Variants in UGT1A6 observed in about 807,000 individuals in gnomAD.
UGT1A6 encodes UDP-glucuronosyltransferase 1A6.
A neutral mutation model predicts 44.4 loss-of-function variants in UGT1A6; 32 were observed. The ratio of observed to expected loss-of-function variants is 0.72; its 90% CI spans 0.54 to 0.97. The LOEUF (loss-of-function observed/expected upper bound fraction) is 0.97. Among genes scored for constraint, UGT1A6 ranks in the 50% least tolerant of loss-of-function variants. The probability of loss-of-function intolerance (pLI) is 0.00; values close to 1 mark genes in which losing one functional copy is unlikely to be tolerated. For missense variants in UGT1A6, 685 were observed against 661.9 expected (o/e 1.03, Z -0.38); for synonymous variants, 238 against 248.5 (o/e 0.96, Z 0.40).
intron 1 of UGT1A6, chr2:233,729,134 C>G (rs143371539): frequency 2.7e-5 from 44 of 1,613,172 alleles, no homozygotes; most frequent in Middle Eastern, 1.8e-4. Flanking sequence ...GAGATGGCCA[C>G]AGGACTCCAG....
intron 1 of UGT1A6, chr2:233,713,474 G>T (rs779583012): frequency 1.2e-6 from 2 of 1,614,060 alleles, no homozygotes; most frequent in South Asian, 2.2e-5. Context: ...CGGCGGTGCT[G>T]GCTAAGTACC....
chr2:233,750,218 A>C (rs1694391813), intron 1 of UGT1A6, among the ~76,000 whole-genome samples: 1 of 151,876 alleles, frequency 6.6e-6, no homozygotes, highest in South Asian at 2.1e-4. Context: ...TCTCAGATGG[A>C]GATGAGGAAC....
intron 1 of UGT1A6, among the ~76,000 whole-genome samples, chr2:233,764,478 C>G (rs370150887): frequency 6.6e-6 from 1 of 152,082 alleles, no homozygotes; most frequent in Non-Finnish European, 1.5e-5. Context: ...TATTTAACTT[C>G]GAATGTTTAT....
At chr2:233,701,516 T>C (rs1007365654) in intron 1 of UGT1A6, among the ~76,000 whole-genome samples, 21 of 152,106 alleles carry the variant, frequency 1.4e-4, no homozygotes, top group Non-Finnish European at 2.6e-4. Flanking sequence ...TACAGAACTC[T>C]CCACCCCAAA....
chr2:233,729,742 A>G (rs573582484), intron 1 of UGT1A6: 2 of 1,613,974 alleles, frequency 1.2e-6, no homozygotes, highest in East Asian at 2.2e-5. Context: ...AGACCACATG[A>G]CATTCATGCA....
At chr2:233,764,795 T>C (rs148070412) in intron 1 of UGT1A6, among the ~76,000 whole-genome samples, 7 of 152,082 alleles carry the variant, frequency 4.6e-5, no homozygotes, top group Non-Finnish European at 7.4e-5. Flanking sequence ...CCTCAGGGTG[T>C]TCTTGCTACA....
chr2:233,719,613 T>C, intron 1 of UGT1A6: 6 of 1,614,096 alleles, frequency 3.7e-6, no homozygotes, highest in Non-Finnish European at 5.1e-6. Flanking sequence ...TGTGATGGAC[T>C]ACCCCAGGCC....
rs1692776441 is a variant in UGT1A6 at position 233,744,329 on chromosome 2, T to A, written c.862-22705T>A. ...AGGGAAGAGGGTGGTGGGAGTGAGT[T>A]TAGTCTGACTGGGGCTGAAGACATC... On this transcript the variant is annotated intron_variant, in intron 1 of 4. Transcript: ENST00000305139. 1.3e-5 allele frequency among the ~76,000 whole-genome samples: 2 copies of A among 151,824 alleles called. 1 individual carries two copies. The highest frequency in any genetic ancestry group is 4.9e-5 in the African/African-American group (2 of 41,084).
In UGT1A6 at chr2:233,727,075, A is replaced by C. The variant is rs1559371928; in HGVS notation, c.861+33210A>C. 2.0e-5 allele frequency among the ~76,000 whole-genome samples: 3 copies of C among 152,212 alleles called. No individual in the cohort carries two copies. The South Asian group carries it at 6.2e-4, about 32-fold the overall frequency. On this transcript the variant is annotated intron_variant, in intron 1 of 4. Transcript: ENST00000305139. Reference sequence around the variant, plus strand: ...TGAAGATTAGTTTCTGTGTTCTCTTACAAACATTAAAGAATTCCAGTTTGT... The same window carrying C: ...TGAAGATTAGTTTCTGTGTTCTCTTCCAAACATTAAAGAATTCCAGTTTGT...
intron 1 of UGT1A6, among the ~76,000 whole-genome samples, chr2:233,725,079 CG>C (rs1365887485): frequency 6.9e-6 from 1 of 144,208 alleles, no homozygotes; most frequent in Non-Finnish European, 1.5e-5. Context: ...CGCAGGCACT[CG>C]GCAGGCTGAG....
At chr2:233,756,056 A>G (rs1035647864) in intron 1 of UGT1A6, 1 of 152,220 alleles carries the variant, frequency 6.6e-6, no homozygotes, top group African/African-American at 2.4e-5. Context: ...TCCACTGTAC[A>G]CTTGTGGGAG....
In UGT1A6 at chr2:233,767,158, C is replaced by T; in HGVS notation, c.986C>T (p.Pro329Leu). ...MAIADALGKI[P>L]QTVLWRYTGT... Reference sequence around the variant, plus strand: ...ATTGCTGATGCTTTGGGCAAAATCCCTCAGACAGTAAGAAGATTCTATACC... The same window carrying T: ...ATTGCTGATGCTTTGGGCAAAATCCTTCAGACAGTAAGAAGATTCTATACC... Residue 329 changes from proline to leucine, a missense_variant, in exon 2 of 5, where the codon CCT (proline) becomes CTT (leucine). Transcript: ENST00000305139. The T allele has an allele frequency of 6.2e-7, 1 of 1,614,062 alleles. No individual in the cohort carries two copies. Among genetic ancestry groups the T allele is most frequent in the Non-Finnish European group, 8.5e-7 (1 of 1,179,998 alleles).
At chr2:233,692,123 G>A (rs1308996203), upstream of UGT1A6, 2 of 152,152 alleles carry the variant, frequency 1.3e-5, no homozygotes, top group African/African-American at 4.8e-5. Context: ...AATCAATCAT[G>A]CCTACTATGT....
Position 233,693,309 on chromosome 2 carries a change from G to A in UGT1A6, c.305G>A (p.Arg102Gln), listed in dbSNP as rs1394238379. Residue 102 changes from arginine to glutamine, a missense_variant, in exon 1 of 5, where the codon CGA becomes CAA. By Grantham distance (43) the Arg-to-Gln change is conservative. Transcript: ENST00000305139. ...TTTGGAAACAATCACTTTGCTGAGC[G>A]ATCATTCCTAACTGCTCCTCAGACA... ...QSFGNNHFAE[R>Q]SFLTAPQTEY... 4 of 1,614,038 alleles carry A rather than the reference G, an allele frequency of 2.5e-6. No homozygotes were observed. Among genetic ancestry groups the A allele is most frequent in the Middle Eastern group, 1.6e-4 (1 of 6,082 alleles).
intron 1 of UGT1A6, among the ~76,000 whole-genome samples, chr2:233,732,619 T>A (rs2078290035): frequency 6.6e-6 from 1 of 152,210 alleles, no homozygotes; most frequent in African/African-American, 2.4e-5. Flanking sequence ...TGGTTGTAGA[T>A]GTGTGGTGTT....
chr2:233,767,696 G>A (rs1360592219), intron 2 of UGT1A6, among the ~76,000 whole-genome samples, 153 bp from the exon 3 acceptor site: 3 of 152,166 alleles, frequency 2.0e-5, no homozygotes, highest in African/African-American at 7.2e-5. Flanking sequence ...GCCGGAAGTT[G>A]CCAGTCCTCA....
At chr2:233,706,654 T>C (rs1204703163) in intron 1 of UGT1A6, among the ~76,000 whole-genome samples, 1 of 152,174 alleles carries the variant, frequency 6.6e-6, no homozygotes, top group Non-Finnish European at 1.5e-5. Flanking sequence ...GCCCCATCAC[T>C]GTAGGTCTGA....
At chr2:233,737,391 C>A (rs1208787903) in intron 1 of UGT1A6, among the ~76,000 whole-genome samples, 1 of 152,188 alleles carries the variant, frequency 6.6e-6, no homozygotes, top group Non-Finnish European at 1.5e-5. Context: ...TCCTTGTCTG[C>A]CAGTTTATAA....
chr2:233,724,971 C>T (rs1371769482), intron 1 of UGT1A6, among the ~76,000 whole-genome samples: 9 of 135,368 alleles, frequency 6.6e-5, no homozygotes, highest in African/African-American at 2.7e-4. Context: ...CCGAGGTTGG[C>T]GGATCACTCG....
Sources: gnomAD v4.1 joint callset for allele counts (sites outside exome capture counted in the v4.1 genomes callset) on GRCh38, gnomAD v4.1.1 for gene constraint, MANE v1.5 for transcripts, NCBI Gene and HGNC (gene_info 2026-07-23, HGNC 2026-07-21) for gene names.